Variants in FAM78B observed in about 807,000 individuals in gnomAD.
FAM78B encodes the protein family with sequence similarity 78 member B, also known as protein FAM78B.
A neutral mutation model predicts 20.0 loss-of-function variants in FAM78B; 10 were observed. The ratio of observed to expected loss-of-function variants is 0.50; its 90% CI spans 0.31 to 0.85. The LOEUF (loss-of-function observed/expected upper bound fraction) is 0.85. FAM78B is among the 40% of genes least tolerant of loss of function. The probability of loss-of-function intolerance (pLI) is 0.05; values close to 1 mark genes in which losing one functional copy is unlikely to be tolerated. For synonymous variants in FAM78B, 135 were observed against 132.8 expected (o/e 1.02, Z -0.12); for missense variants, 283 against 345.0 (o/e 0.82, Z 1.42).
intron 2 of FAM78B, among the ~76,000 whole-genome samples, chr1:166,061,091 G>A (rs970587541): frequency 2.6e-5 from 4 of 152,088 alleles, no homozygotes; most frequent in African/African-American, 4.8e-5. Flanking sequence ...GTCACACCAC[G>A]ACTGAGCTAA....
chr1:166,068,646 G>GCCAA (rs1651893687), downstream of FAM78B, among the ~76,000 whole-genome samples: 2 of 152,176 alleles, frequency 1.3e-5, no homozygotes, highest in Non-Finnish European at 1.5e-5. Context: ...GCTCTTTGGA[G>GCCAA]CCAACCATGA....
chr1:166,147,551 C>G (rs141849971), intron 1 of FAM78B, among the ~76,000 whole-genome samples: 98 of 152,300 alleles, frequency 6.4e-4, no homozygotes, highest in African/African-American at 2.3e-3. Context: ...CGTGCTCAGA[C>G]AGTTAATGTG....
At chr1:166,122,307 T>A (rs1654493982) in intron 1 of FAM78B, among the ~76,000 whole-genome samples, 1 of 152,114 alleles carries the variant, frequency 6.6e-6, no homozygotes, top group Non-Finnish European at 1.5e-5. Flanking sequence ...ACACCCCAGA[T>A]GAGTAGGGTT....
At position 166,088,261 on chromosome 1, in the gene FAM78B, C is replaced by T. The variant is rs192618051; in HGVS notation, c.264-17498G>A. Among the ~76,000 whole-genome samples, 100 of 152,306 alleles carry T rather than the reference C, an allele frequency of 6.6e-4. 1 individual carries two copies. The highest frequency in any genetic ancestry group is 2.1e-3 in the African/African-American group (87 of 41,566). On this transcript the variant is annotated intron_variant, in intron 1 of 1. Transcript: ENST00000354422. ...AATTGAAATCAGGTGCTTTATGACTCGTCTGTATTCAGGAGCCCATCAACG... is the reference window on the plus strand; with the variant it reads ...AATTGAAATCAGGTGCTTTATGACTTGTCTGTATTCAGGAGCCCATCAACG...
At chr1:166,109,817 T>TATATATGTATATAC (rs1653931804) in intron 1 of FAM78B, among the ~76,000 whole-genome samples, 1 of 18,536 alleles carries the variant, frequency 5.4e-5, no homozygotes, top group Non-Finnish European at 9.7e-5. Flanking sequence ...TATATATGTA[T>TATATATGTATATAC]ATATATATAT....
chr1:166,062,603 G>C (rs1326021900), intron 2 of FAM78B, among the ~76,000 whole-genome samples: 1 of 152,226 alleles, frequency 6.6e-6, no homozygotes, highest in Non-Finnish European at 1.5e-5. Flanking sequence ...GCATGTGCGT[G>C]TACAAAGAAA....
chr1:166,105,184 C>T (rs1653719501), intron 1 of FAM78B, among the ~76,000 whole-genome samples: 1 of 152,154 alleles, frequency 6.6e-6, no homozygotes, highest in South Asian at 2.1e-4. Flanking sequence ...CCCTTCCTTA[C>T]ACCTTATACA....
chr1:166,057,240 A>C (rs1651386423), downstream of FAM78B, among the ~76,000 whole-genome samples: 1 of 152,066 alleles, frequency 6.6e-6, no homozygotes, highest in East Asian at 1.9e-4. Flanking sequence ...CCCATCTTAG[A>C]ATTGTCTTTT....
chr1:166,117,001 AAAGT>A (rs1216665380), intron 1 of FAM78B, among the ~76,000 whole-genome samples: 1 of 152,206 alleles, frequency 6.6e-6, no homozygotes. Context: ...TCTGCCTTTT[AAAGT>A]AATAAATGAA....
In FAM78B at chr1:166,109,884, ATATATG is replaced by A. The variant is rs1373224354; in HGVS notation, c.264-39127_264-39122del. Among the ~76,000 whole-genome samples, 39 of 17,482 alleles carry A rather than the reference ATATATG, an allele frequency of 2.2e-3. 3 individuals are homozygous for A. Among genetic ancestry groups the A allele is most frequent in the African/African-American group, 3.7e-3 (16 of 4,282 alleles). The allele number at this position is 17,482 out of a possible 152,430, so 11.5% of individuals were successfully genotyped here. ...TATGTATGTGTATATATATATATGTATATATGTATATATATATATATATATATATAT... is the reference window on the plus strand; with the variant it reads ...TATGTATGTGTATATATATATATGTATATATATATATATATATATATATAT... On this transcript the variant is annotated intron_variant, in intron 1 of 1. Transcript: ENST00000354422.
chr1:166,141,851 C>A (rs1655291782), intron 1 of FAM78B, among the ~76,000 whole-genome samples: 1 of 152,166 alleles, frequency 6.6e-6, no homozygotes, highest in East Asian at 1.9e-4. Context: ...GGAGTAGGGA[C>A]AGTGCTCTGG....
chr1:166,154,353 T>C (rs1655810606), intron 1 of FAM78B, among the ~76,000 whole-genome samples: 1 of 152,190 alleles, frequency 6.6e-6, no homozygotes, highest in Non-Finnish European at 1.5e-5. Flanking sequence ...AATTTCTCCA[T>C]ACTTTCCCCT....
chr1:166,139,918 T>G (rs1215530927), intron 1 of FAM78B, among the ~76,000 whole-genome samples: 1 of 152,194 alleles, frequency 6.6e-6, no homozygotes, highest in Non-Finnish European at 1.5e-5. Flanking sequence ...CTTTCCCACA[T>G]GCAAAGCCAG....
At chr1:166,086,218 A>C (rs965206749) in intron 1 of FAM78B, among the ~76,000 whole-genome samples, 1 of 152,150 alleles carries the variant, frequency 6.6e-6, no homozygotes, top group Admixed American at 6.5e-5. Context: ...TTCCTGGTCA[A>C]AACCAAAGGC....
chr1:166,092,462 AC>A (rs1168121566), intron 1 of FAM78B, among the ~76,000 whole-genome samples: 2 of 152,030 alleles, frequency 1.3e-5, no homozygotes, highest in African/African-American at 4.8e-5. Context: ...AGTTAGTCCT[AC>A]CCTGCCTCTT....
chr1:166,099,302 A>G (rs1211150840), intron 1 of FAM78B, among the ~76,000 whole-genome samples: 3 of 152,248 alleles, frequency 2.0e-5, no homozygotes, highest in Non-Finnish European at 4.4e-5. Context: ...TCTTTAAGGC[A>G]TAAATCACAC....
chr1:166,121,711 C>A (rs1654469902), intron 1 of FAM78B, among the ~76,000 whole-genome samples: 1 of 152,174 alleles, frequency 6.6e-6, no homozygotes, highest in Non-Finnish European at 1.5e-5. Context: ...CTTGTTTAAT[C>A]CTCCTAACAA....
chr1:166,154,295 G>C (rs77470139), intron 1 of FAM78B, among the ~76,000 whole-genome samples: 1 of 152,202 alleles, frequency 6.6e-6, no homozygotes, highest in East Asian at 1.9e-4. Context: ...GGGTATTGAG[G>C]GGTGGAAGAA....
rs573654507 is a variant in FAM78B, at chr1:166,116,026, G to C, written c.264-45263C>G. The stretch of plus-strand genomic sequence containing the variant: ...CCTACAGACCTGTGACTGTGTGTGA[G>C]TGCACACAGCTAAGTGCATAGGCCC... On this transcript the variant is annotated intron_variant, in intron 1 of 1. Transcript: ENST00000354422. Among the ~76,000 whole-genome samples, 3 of 152,308 alleles carry C rather than the reference G, an allele frequency of 2.0e-5. No homozygotes were observed. The South Asian group carries it at 6.2e-4, about 32-fold the overall frequency.
Sources: allele counts gnomAD v4.1 joint callset (sites outside exome capture counted in the v4.1 genomes callset), GRCh38; gene constraint gnomAD v4.1.1; transcripts MANE v1.5; gene names NCBI Gene and HGNC (gene_info 2026-07-23, HGNC 2026-07-21).